Variants in CACNA1I observed in about 807,000 individuals in gnomAD.
CACNA1I encodes voltage-dependent T-type calcium channel subunit alpha-1I.
In CACNA1I, 74 loss-of-function variants were observed where a neutral mutation model predicts 201.6. The observed-to-expected ratio is 0.37, with a 90% CI of 0.30 to 0.45. The LOEUF (loss-of-function observed/expected upper bound fraction) is 0.45, where lower values mean the gene tolerates loss of function less well. CACNA1I is among the 20% of genes least tolerant of loss of function. CACNA1I has a pLI of 1.00. For missense variants in CACNA1I, 2,346 were observed against 3,138.1 expected (o/e 0.75, Z 6.03); for synonymous variants, 1,431 against 1,345.2 (o/e 1.06, Z -1.40).
intron 4 of CACNA1I, among the ~76,000 whole-genome samples, chr22:39,633,050 T>C (rs1406377566): frequency 6.6e-6 from 1 of 151,888 alleles, no homozygotes; most frequent in Non-Finnish European, 1.5e-5. Context: ...CAAATAATTA[T>C]CCTCATTAAT....
chr22:39,578,213 G>A lies in CACNA1I; in HGVS notation c.236+7225G>A, dbSNP rs562207653. 2.8e-4 allele frequency among the ~76,000 whole-genome samples: 43 copies of A among 152,200 alleles called. No individual in the cohort carries two copies. In the South Asian group the frequency reaches 8.7e-3, roughly 31 times the overall value. ...TCTCTGCAGAAGACCTCCTCCCATCGCCTGCTGTCCCTGCCCTGGTCACTT... is the reference window on the plus strand; with the variant it reads ...TCTCTGCAGAAGACCTCCTCCCATCACCTGCTGTCCCTGCCCTGGTCACTT... On this transcript the variant is annotated intron_variant, in intron 1 of 36. Transcript: ENST00000402142.
intron 3 of CACNA1I, among the ~76,000 whole-genome samples, chr22:39,615,428 A>T (rs1014525125): frequency 6.6e-6 from 1 of 152,100 alleles, no homozygotes; most frequent in African/African-American, 2.4e-5. Context: ...CAGGAGGGCA[A>T]TTGGGAGGCT....
rs960116416 is a variant in CACNA1I at position 39,666,934 on chromosome 22, G to A, written c.4104+928G>A. Among the ~76,000 whole-genome samples the A allele has an allele frequency of 4.6e-5, 7 of 152,300 alleles. No individual in the cohort carries two copies. The highest frequency in any genetic ancestry group is 4.8e-5 in the African/African-American group (2 of 41,570). On this transcript the variant is annotated intron_variant, in intron 23 of 36. Transcript: ENST00000402142. The surrounding 1 kb of genome is among the most constrained non-coding windows in gnomAD (Gnocchi z 4.1). ...AACCAGCCAGCGGCCTTTTGTGCCC[G>A]TGCTCCTGACCCCCTTCACCTATGG...
In CACNA1I at chr22:39,580,844, T is replaced by C. The variant is rs576793875; in HGVS notation, c.236+9856T>C. On this transcript the variant is annotated intron_variant, in intron 1 of 36. Transcript: ENST00000402142. Reference sequence around the variant, plus strand: ...CCAGGTAAGAGGCCCCTACAATGGATACCGATGGATGGATTGATCACCCAT... The same window carrying C: ...CCAGGTAAGAGGCCCCTACAATGGACACCGATGGATGGATTGATCACCCAT... 3.9e-5 allele frequency among the ~76,000 whole-genome samples: 6 copies of C among 152,304 alleles called. No homozygotes were observed. In the South Asian group the frequency reaches 1.2e-3, roughly 32 times the overall value.
chr22:39,601,101 G>A (rs887772542), intron 3 of CACNA1I, among the ~76,000 whole-genome samples: 4 of 152,158 alleles, frequency 2.6e-5, no homozygotes, highest in South Asian at 2.1e-4. Context: ...ACAAGCTGCC[G>A]TCAGGGACAG....
intron 4 of CACNA1I, among the ~76,000 whole-genome samples, chr22:39,620,012 TATCC>T (rs564900279): frequency 0.01 from 936 of 92,876 alleles, 10 homozygotes; most frequent in African/African-American, 0.034. Flanking sequence ...TCCACCTGTC[TATCC>T]ATCCATCCAT....
chr22:39,595,036 T>C (rs1480177724), intron 1 of CACNA1I, among the ~76,000 whole-genome samples: 4 of 152,172 alleles, frequency 2.6e-5, no homozygotes, highest in Non-Finnish European at 5.9e-5. Context: ...ATGCCTATAA[T>C]CCCAGCACTT....
chr22:39,670,957 G>A lies in CACNA1I; in HGVS notation c.4539+3G>A. 1 of 1,613,686 alleles carries A rather than the reference G, an allele frequency of 6.2e-7. No individual in the cohort carries two copies. Among genetic ancestry groups the A allele is most frequent in the Non-Finnish European group, 8.5e-7 (1 of 1,179,712 alleles). ...TGGAGCACTACAATCAGCCCACGGTGAGCCCTGGTCTGCCTCCCAGCCCAA... is the reference window on the plus strand; with the variant it reads ...TGGAGCACTACAATCAGCCCACGGTAAGCCCTGGTCTGCCTCCCAGCCCAA... On this transcript the variant is annotated splice_donor_region_variant and intron_variant, in intron 26 of 36. Coordinates refer to ENST00000402142, the MANE Select transcript of CACNA1I (RefSeq NM_021096.4).
In CACNA1I at chr22:39,583,031, A is replaced by ACCATCCATCCAT. The variant is rs59155285; in HGVS notation, c.236+12083_236+12094dup. Among the ~76,000 whole-genome samples the ACCATCCATCCAT allele has an allele frequency of 5.1e-4, 60 of 116,546 alleles. 1 individual carries two copies. The highest frequency in any genetic ancestry group is 2.0e-3 in the African/African-American group (55 of 27,868). The allele number at this position is 116,546 out of a possible 152,430, so 76.5% of individuals were successfully genotyped here. A position where few individuals can be genotyped will look rare whatever the true frequency, so the allele number is the denominator to read the frequency against. On this transcript the variant is annotated intron_variant, in intron 1 of 36. Coordinates refer to ENST00000402142, the MANE Select transcript of CACNA1I (RefSeq NM_021096.4). The stretch of plus-strand genomic sequence containing the variant: ...ATCTGTCTTTCCATCCAAGCACCCA[A>ACCATCCATCCAT]CCATCCATCCATCCATCCATCCATC...
At position 39,676,488 on chromosome 22, in the gene CACNA1I, C is replaced by T. The variant is rs1271719422; in HGVS notation, c.4855-853C>T. Among the ~76,000 whole-genome samples, 1 of 152,168 alleles carries T rather than the reference C, an allele frequency of 6.6e-6. No homozygotes were observed. The highest frequency in any genetic ancestry group is 1.9e-4 in the East Asian group (1 of 5,196). ...GAGGGTTCTAAGAGATATTTCATTTCTAGGGCAAGAATGTGTTTTAGCCTT... is the reference window on the plus strand; with the variant it reads ...GAGGGTTCTAAGAGATATTTCATTTTTAGGGCAAGAATGTGTTTTAGCCTT... On this transcript the variant is annotated intron_variant, in intron 29 of 36. Coordinates refer to ENST00000402142, the MANE Select transcript of CACNA1I (RefSeq NM_021096.4). The surrounding 1 kb of genome is among the most constrained non-coding windows in gnomAD (Gnocchi z 4.8).
intron 6 of CACNA1I, among the ~76,000 whole-genome samples, chr22:39,641,908 G>T (rs1934360758): frequency 6.6e-6 from 1 of 152,146 alleles, no homozygotes; most frequent in Non-Finnish European, 1.5e-5. Flanking sequence ...CTCACCTTGG[G>T]TCATTGTTAA....
Position 39,571,024 on chromosome 22 carries a change from A to G in CACNA1I, c.236+36A>G, listed in dbSNP as rs1338864895. The G allele has an allele frequency of 4.6e-6, 7 of 1,537,174 alleles. No homozygotes were observed. The Admixed American group carries it at 5.0e-5, about 11-fold the overall frequency. The stretch of plus-strand genomic sequence containing the variant: ...CAGCCTCGGCTGATCGGGGCCCTGC[A>G]GGGGCTGAAGGGTGGGGGGCTGGAT... On this transcript the variant is annotated intron_variant, in intron 1 of 36. Coordinates refer to ENST00000402142, the MANE Select transcript of CACNA1I (RefSeq NM_021096.4).
intron 3 of CACNA1I, among the ~76,000 whole-genome samples, chr22:39,609,781 G>C (rs1425326120): frequency 1.3e-5 from 2 of 152,202 alleles, no homozygotes; most frequent in Non-Finnish European, 2.9e-5. Flanking sequence ...CCCATCATGG[G>C]GGCACTCCGA....
Position 39,674,074 on chromosome 22 carries a change from G to C in CACNA1I, c.4854+41G>C, listed in dbSNP as rs2146469155. 3 of 1,592,728 alleles carry C rather than the reference G, an allele frequency of 1.9e-6. 1 individual carries two copies. Among genetic ancestry groups the C allele is most frequent in the Middle Eastern group, 3.3e-4 (2 of 6,032 alleles). On this transcript the variant is annotated intron_variant, in intron 29 of 36. Transcript: ENST00000402142. ...TCTGGCAGCCCTCCTAGGGGTCATT[G>C]GTGTCAGGCTGGGCCCTGGGGCATG... is the stretch of plus-strand genomic sequence containing the variant.
At chr22:39,598,092 T>C in intron 1 of CACNA1I, 59 bp from the exon 2 acceptor site, 1 of 970,008 alleles carries the variant, frequency 1.0e-6, no homozygotes, top group Non-Finnish European at 1.6e-6. Flanking sequence ...CACTCTAGGG[T>C]GCACCCCAGC....
At chr22:39,656,338 A>G in intron 10 of CACNA1I, 1 of 506,432 alleles carries the variant, frequency 2.0e-6, no homozygotes, top group Non-Finnish European at 3.9e-6. Flanking sequence ...CCCACCTCCC[A>G]GCCAGCTGGG....
Position 39,686,423 on chromosome 22 carries a change from G to A in CACNA1I, c.*18G>A, listed in dbSNP as rs926959168. On this transcript the variant is annotated 3_prime_UTR_variant, in exon 37 of 37. Transcript: ENST00000402142. ...AGAGATGAGGGTCGCAGGGGCCCCCGGCCGCCCACCGCCCGCCCCGTCTCA... is the reference window on the plus strand; with the variant it reads ...AGAGATGAGGGTCGCAGGGGCCCCCAGCCGCCCACCGCCCGCCCCGTCTCA... 5.7e-6 allele frequency: 7 copies of A among 1,227,754 alleles called. No individual in the cohort carries two copies. The African/African-American group carries it at 6.3e-5, about 11-fold the overall frequency. The allele number at this position is 1,227,754 out of a possible 1,614,324, so 76.1% of individuals were successfully genotyped here.
intron 1 of CACNA1I, among the ~76,000 whole-genome samples, chr22:39,597,914 T>A (rs1355469483): frequency 6.6e-6 from 1 of 151,694 alleles, no homozygotes; most frequent in Non-Finnish European, 1.5e-5. Flanking sequence ...GGGCAAGGAG[T>A]GGGGTCCTGC....
Position 39,662,387 on chromosome 22 carries a change from G to T in CACNA1I, c.3324G>T (p.Lys1108Asn). ...MPSIAKDVFT[K>N]MGDRGDRGED... is the part of the protein sequence containing the mutation. The stretch of plus-strand genomic sequence containing the variant: ...GCATCGCCAAAGACGTCTTCACCAA[G>T]ATGGGCGACCGCGGGGATCGCGGGG... The change falls in exon 17 of 37, where the codon AAG becomes AAT. Residue 1108 changes from lysine to asparagine, a missense_variant. Around this residue, in one of 13 missense-constraint regions of CACNA1I, gnomAD observed 288 missense variants for 255.2 expected, o/e 1.13. Coordinates refer to ENST00000402142, the MANE Select transcript of CACNA1I (RefSeq NM_021096.4). 2 of 1,477,136 alleles carry T rather than the reference G, an allele frequency of 1.4e-6. No homozygotes were observed. 91.5% of individuals were successfully genotyped at this position (1,477,136 alleles called of 1,614,324 possible).
Sources: gnomAD v4.1 joint callset for allele counts (sites outside exome capture counted in the v4.1 genomes callset) on GRCh38, gnomAD v4.1.1 for gene constraint, gnomAD v4.1.1 regional missense constraint, Gnocchi (gnomAD v3.1) non-coding constraint, MANE v1.5 for transcripts, NCBI Gene and HGNC (gene_info 2026-07-23, HGNC 2026-07-21) for gene names.